Variants in CAMK2G observed in about 807,000 individuals in gnomAD.
CAMK2G encodes the protein calcium/calmodulin dependent protein kinase II gamma, also known as calcium/calmodulin-dependent protein kinase type II subunit gamma.
A neutral mutation model predicts 88.7 loss-of-function variants in CAMK2G; 23 were observed. The ratio of observed to expected loss-of-function variants is 0.26; its 90% CI spans 0.19 to 0.37. The LOEUF (loss-of-function observed/expected upper bound fraction) is 0.37, where lower values mean the gene tolerates loss of function less well. Among genes scored for constraint, CAMK2G ranks in the 10% least tolerant of loss-of-function variants. The pLI, the probability that CAMK2G is intolerant of heterozygous loss-of-function variation, is 1.00. For missense variants in CAMK2G, 476 were observed against 780.8 expected, an observed-to-expected ratio of 0.61 and a Z score of 4.65; for synonymous variants, 263 against 294.8, an observed-to-expected ratio of 0.89 and a Z score of 1.11.
chr10:73,864,721 C>T (rs556741304), intron 2 of CAMK2G, among the ~76,000 whole-genome samples: 8 of 152,244 alleles, frequency 5.3e-5, no homozygotes, highest in Middle Eastern at 3.4e-3. Flanking sequence ...CGGCTCACTG[C>T]AAGCTCCGCC....
At chr10:73,836,602 C>T (rs1189285512) in intron 14 of CAMK2G, among the ~76,000 whole-genome samples, 6 of 151,606 alleles carry the variant, frequency 4.0e-5, no homozygotes, top group African/African-American at 7.3e-5. Flanking sequence ...GGGGAGGGAA[C>T]GGGGAGGGAA....
At chr10:73,871,184 C>T (rs1158448222) in intron 2 of CAMK2G, among the ~76,000 whole-genome samples, 4 of 150,978 alleles carry the variant, frequency 2.6e-5, no homozygotes, top group Non-Finnish European at 5.9e-5. Flanking sequence ...AAAAAATCAA[C>T]GAGAAATCAA....
At chr10:73,870,790 T>C (rs2095800428) in intron 2 of CAMK2G, among the ~76,000 whole-genome samples, 1 of 152,144 alleles carries the variant, frequency 6.6e-6, no homozygotes, top group South Asian at 2.1e-4. Context: ...AAATATATAG[T>C]GTAAACTGAG....
At chr10:73,832,156 A>G (rs1020324243) in intron 14 of CAMK2G, among the ~76,000 whole-genome samples, 7 of 152,176 alleles carry the variant, frequency 4.6e-5, no homozygotes, top group African/African-American at 1.7e-4. Flanking sequence ...TGTAAGAAAA[A>G]AAGTTTCTCA....
intron 3 of CAMK2G, among the ~76,000 whole-genome samples, chr10:73,857,267 G>T (rs2095105504): frequency 2.6e-5 from 4 of 152,138 alleles, no homozygotes; most frequent in Admixed American, 2.6e-4. Flanking sequence ...CTAGGGGCTG[G>T]AATCTCCATT....
rs538748177 is a variant in CAMK2G, at chr10:73,839,634, C to T, written c.947-33G>A. On this transcript the variant is annotated intron_variant, in intron 12 of 22. Transcript: ENST00000423381. This position sits in a 1 kb window ranked among gnomAD's most constrained non-coding sequence, Gnocchi z 4.2. ...GATACAGTCTCTCAGTGCACAGAGC[C>T]CCGCAAAGCCACGGGGCCGTCAGCA... The T allele has an allele frequency of 2.9e-5, 35 of 1,201,720 alleles. No homozygotes were observed. Among genetic ancestry groups the T allele is most frequent in the East Asian group, 6.4e-5 (2 of 31,434 alleles). 74.4% of individuals were successfully genotyped at this position (1,201,720 alleles called of 1,614,324 possible). A position where few individuals can be genotyped will look rare whatever the true frequency, so the allele number is the denominator to read the frequency against.
rs369451769 is a variant in CAMK2G at position 73,825,254 on chromosome 10, C to T, written c.1155+25G>A. The stretch of plus-strand genomic sequence containing the variant: ...GGCAGGAGGCAGCCAGGGTCAGAGG[C>T]GGAGAAGCTGTAGTCAGGAGGTACC... On this transcript the variant is annotated intron_variant, in intron 16 of 22. Coordinates refer to ENST00000423381, the MANE Select transcript of CAMK2G (RefSeq NM_001367534.1). 1.1e-4 allele frequency: 167 copies of T among 1,571,050 alleles called. No homozygotes were observed. The African/African-American group carries it at 1.1e-3, about 11-fold the overall frequency.
At chr10:73,835,111 T>C (rs964733807) in intron 14 of CAMK2G, among the ~76,000 whole-genome samples, 9 of 152,062 alleles carry the variant, frequency 5.9e-5, no homozygotes, top group African/African-American at 2.2e-4. Context: ...GCCATCTCCT[T>C]CCAGAAGATT....
chr10:73,812,594 A>G lies in CAMK2G; in HGVS notation c.*1924T>C, dbSNP rs1565114421. 1 of 152,646 alleles carries G rather than the reference A, an allele frequency of 6.6e-6. No homozygotes were observed. Among genetic ancestry groups the G allele is most frequent in the Non-Finnish European group, 1.5e-5 (1 of 68,042 alleles). The allele number at this position is 152,646 out of a possible 1,614,324, so 9.5% of individuals were successfully genotyped here. On this transcript the variant is annotated 3_prime_UTR_variant, in exon 23 of 23. Coordinates refer to ENST00000423381, the MANE Select transcript of CAMK2G (RefSeq NM_001367534.1). The stretch of plus-strand genomic sequence containing the variant: ...TCTACCAACATTCAGAACAAACACT[A>G]TTTTTAAATTATTTCTATGTTGTCA...
chr10:73,821,776 A>C (rs1321258033), intron 17 of CAMK2G, 46 bp from the exon 18 acceptor site: 1 of 1,480,356 alleles, frequency 6.8e-7, no homozygotes, highest in Admixed American at 1.7e-5. Flanking sequence ...ATCCCTTGGA[A>C]GCCAGAGGAG....
At position 73,842,001 on chromosome 10, in the gene CAMK2G, GAGC is replaced by G; in HGVS notation, c.946+165_946+167del. The G allele has an allele frequency of 1.5e-6, 1 of 669,370 alleles. No individual in the cohort carries two copies. The highest frequency in any genetic ancestry group is 2.6e-5 in the East Asian group (1 of 38,956). 41.5% of individuals were successfully genotyped at this position (669,370 alleles called of 1,614,324 possible). On this transcript the variant is annotated intron_variant, in intron 12 of 22. Transcript: ENST00000423381. This position sits in a 1 kb window ranked among gnomAD's most constrained non-coding sequence, Gnocchi z 4.6. ...GTGAGTCCAGCCCCCTGAATCTCAG[GAGC>G]AGGACTCAGCAGCAGCAGCAGCCCC...
At chr10:73,850,858 C>T (rs1445757586) in intron 5 of CAMK2G, among the ~76,000 whole-genome samples, 1 of 152,230 alleles carries the variant, frequency 6.6e-6, no homozygotes, top group Non-Finnish European at 1.5e-5. Flanking sequence ...AGAGGCGAGT[C>T]TCCACAGAGA....
At position 73,848,948 on chromosome 10, in the gene CAMK2G, G is replaced by A; in HGVS notation, c.517+65C>T. On this transcript the variant is annotated intron_variant, in intron 7 of 22. Coordinates refer to ENST00000423381, the MANE Select transcript of CAMK2G (RefSeq NM_001367534.1). The surrounding 1 kb of genome is among the most constrained non-coding windows in gnomAD (Gnocchi z 4.5). The stretch of plus-strand genomic sequence containing the variant: ...GGTCTGGCTTCTAGTTCTAATAGAG[G>A]AAGGCAGATCAGGAAGAGGAGGAAG... 1.9e-6 allele frequency: 2 copies of A among 1,029,854 alleles called. No homozygotes were observed. The highest frequency in any genetic ancestry group is 1.5e-6 in the Non-Finnish European group (1 of 647,090). The allele number at this position is 1,029,854 out of a possible 1,614,324, so 63.8% of individuals were successfully genotyped here. A position where few individuals can be genotyped will look rare whatever the true frequency, so the allele number is the denominator to read the frequency against.
intron 16 of CAMK2G, 108 bp downstream of exon 16, chr10:73,825,171 C>A: frequency 1.2e-6 from 1 of 819,946 alleles, no homozygotes; most frequent in East Asian, 2.4e-5. Context: ...CTATGGGGAC[C>A]AAGAAAGGAA....
At chr10:73,850,569 C>T (rs1162754013) in intron 5 of CAMK2G, among the ~76,000 whole-genome samples, 1 of 152,250 alleles carries the variant, frequency 6.6e-6, no homozygotes, top group African/African-American at 2.4e-5. Context: ...GGCCTCACAA[C>T]AAGGAAGTAC....
intron 18 of CAMK2G, among the ~76,000 whole-genome samples, chr10:73,820,492 A>ATCTATAT (rs1554995765): frequency 2.0e-5 from 1 of 51,052 alleles, no homozygotes; most frequent in East Asian, 5.3e-4. Flanking sequence ...ATATATATAT[A>ATCTATAT]TTTTTTTTTT....
chr10:73,857,682 C>T (rs2135394044), intron 3 of CAMK2G, among the ~76,000 whole-genome samples: 1 of 152,296 alleles, frequency 6.6e-6, no homozygotes, highest in South Asian at 2.1e-4. Flanking sequence ...AAGACAGAGT[C>T]TATTCATTAG....
Position 73,813,634 on chromosome 10 carries a change from C to T in CAMK2G, c.*884G>A, listed in dbSNP as rs1054396004. Reference sequence around the variant, plus strand: ...GGCGGCACGGGAGCCCTGACCAGGGCCTGGCTCTCTCCTTGCCAGGTTAGA... The same window carrying T: ...GGCGGCACGGGAGCCCTGACCAGGGTCTGGCTCTCTCCTTGCCAGGTTAGA... On this transcript the variant is annotated 3_prime_UTR_variant, in exon 23 of 23. Coordinates refer to ENST00000423381, the MANE Select transcript of CAMK2G (RefSeq NM_001367534.1). 2.6e-5 allele frequency: 4 copies of T among 152,948 alleles called. No homozygotes were observed. Among genetic ancestry groups the T allele is most frequent in the African/African-American group, 7.2e-5 (3 of 41,474 alleles). 9.5% of individuals were successfully genotyped at this position (152,948 alleles called of 1,614,324 possible).
intron 3 of CAMK2G, among the ~76,000 whole-genome samples, chr10:73,855,758 A>G (rs1274565044): frequency 6.6e-6 from 1 of 152,258 alleles, no homozygotes; most frequent in Non-Finnish European, 1.5e-5. Context: ...CAGAGAGAAC[A>G]GCTTTGATGT....
Sources: gnomAD v4.1 joint callset for allele counts (sites outside exome capture counted in the v4.1 genomes callset) on GRCh38, gnomAD v4.1.1 for gene constraint, Gnocchi (gnomAD v3.1) non-coding constraint, MANE v1.5 for transcripts, NCBI Gene and HGNC (gene_info 2026-07-23, HGNC 2026-07-21) for gene names.